Variants in RBFOX1 observed in about 807,000 individuals in gnomAD.
RBFOX1 encodes the protein RNA binding fox-1 homolog 1.
A neutral mutation model predicts 57.7 loss-of-function variants in RBFOX1; 8 were observed. The ratio of observed to expected loss-of-function variants is 0.14; its 90% CI spans 0.08 to 0.25. The LOEUF is 0.25. Among genes scored for constraint, RBFOX1 ranks in the 10% least tolerant of loss-of-function variants. The probability of loss-of-function intolerance (pLI) is 1.00; values close to 1 mark genes in which losing one functional copy is unlikely to be tolerated. For synonymous variants in RBFOX1, 326 were observed against 222.4 expected, an observed-to-expected ratio of 1.47 and a Z score of -4.15; for missense variants, 611 against 548.5, an observed-to-expected ratio of 1.11 and a Z score of -1.14.
intron 2 of RBFOX1, among the ~76,000 whole-genome samples, chr16:6,367,217 C>T (rs2089766141): frequency 6.6e-6 from 1 of 152,094 alleles, no homozygotes; most frequent in East Asian, 1.9e-4. Flanking sequence ...GACATTATGT[C>T]ACTGTAGGTT....
At chr16:6,365,918 C>T (rs374569440) in intron 2 of RBFOX1, among the ~76,000 whole-genome samples, 1 of 152,088 alleles carries the variant, frequency 6.6e-6, no homozygotes, top group Non-Finnish European at 1.5e-5. Context: ...GGAGCTACAG[C>T]TACTACTTCA....
At chr16:5,475,326 A>T (rs948869285) in intron 2 of RBFOX1, among the ~76,000 whole-genome samples, 1 of 152,202 alleles carries the variant, frequency 6.6e-6, no homozygotes, top group Non-Finnish European at 1.5e-5. Flanking sequence ...TTAAGTCTAC[A>T]TTCGATTTAA....
rs182821829 is a variant in RBFOX1 at position 6,295,932 on chromosome 16, T to A, written c.-126-21063T>A. Among the ~76,000 whole-genome samples the A allele has an allele frequency of 1.5e-3, 234 of 152,292 alleles. 3 individuals are homozygous for A. The highest frequency in any genetic ancestry group is 2.4e-3 in the Admixed American group (36 of 15,308). Reference sequence around the variant, plus strand: ...AACTAATCCAGCAGGACACCTGATGTAACACAGCTATTTTATTCACATATG... The same window carrying A: ...AACTAATCCAGCAGGACACCTGATGAAACACAGCTATTTTATTCACATATG... On this transcript the variant is annotated intron_variant, in intron 1 of 15. Coordinates refer to ENST00000550418, the MANE Select transcript of RBFOX1 (RefSeq NM_018723.4).
chr16:6,797,466 A>G (rs186880462), intron 3 of RBFOX1, among the ~76,000 whole-genome samples: 2 of 152,170 alleles, frequency 1.3e-5, no homozygotes, highest in African/African-American at 4.8e-5. Context: ...AGTTAAACAC[A>G]TATATCCTGT....
intron 4 of RBFOX1, among the ~76,000 whole-genome samples, chr16:5,992,429 G>A (rs927713634): frequency 2.0e-5 from 3 of 152,192 alleles, no homozygotes; most frequent in Non-Finnish European, 2.9e-5. Flanking sequence ...TCAGTACTGT[G>A]TAGAATGAAA....
upstream of RBFOX1, among the ~76,000 whole-genome samples, chr16:6,015,751 C>T (rs377146370): frequency 1.3e-5 from 2 of 152,214 alleles, no homozygotes; most frequent in African/African-American, 4.8e-5. Flanking sequence ...ACACGATCTT[C>T]TCTAGAATGC....
intron 5 of RBFOX1, among the ~76,000 whole-genome samples, chr16:7,572,843 G>GAATAAATA (rs57189251): frequency 8.2e-5 from 12 of 146,662 alleles, no homozygotes; most frequent in South Asian, 2.3e-4. Flanking sequence ...TCTCTCAAAT[G>GAATAAATA]AATAAATAAA....
At chr16:7,172,866 C>G (rs1006271393) in intron 4 of RBFOX1, among the ~76,000 whole-genome samples, 1 of 152,126 alleles carries the variant, frequency 6.6e-6, no homozygotes, top group African/African-American at 2.4e-5. Context: ...AGATGGTTAT[C>G]TGCCTCAATT....
chr16:7,501,765 T>C (rs1283366638), intron 4 of RBFOX1, among the ~76,000 whole-genome samples: 3 of 152,232 alleles, frequency 2.0e-5, no homozygotes. Flanking sequence ...TCAGTTCTTC[T>C]GGAAAACCTT....
At chr16:7,182,786 T>G (rs1017979764) in intron 4 of RBFOX1, among the ~76,000 whole-genome samples, 8 of 152,168 alleles carry the variant, frequency 5.3e-5, no homozygotes, top group Admixed American at 2.0e-4. Context: ...CTTAGCACTT[T>G]GTACTAAATC....
intron 4 of RBFOX1, among the ~76,000 whole-genome samples, chr16:7,215,886 G>A (rs184707533): frequency 7.2e-5 from 11 of 151,982 alleles, no homozygotes; most frequent in East Asian, 1.9e-4. Context: ...CACGGCACCC[G>A]GCTAATTTTT....
chr16:7,384,556 A>C (rs546563754), intron 4 of RBFOX1, among the ~76,000 whole-genome samples: 1 of 152,068 alleles, frequency 6.6e-6, no homozygotes, highest in East Asian at 1.9e-4. Flanking sequence ...TCATTTATCT[A>C]TCCATCTGGG....
At chr16:6,943,460 G>A (rs552052119) in intron 3 of RBFOX1, among the ~76,000 whole-genome samples, 1 of 152,290 alleles carries the variant, frequency 6.6e-6, no homozygotes, top group Admixed American at 6.5e-5. Context: ...TGTAATCTCA[G>A]TACTTTGGGA....
intron 4 of RBFOX1, among the ~76,000 whole-genome samples, chr16:7,055,576 C>T (rs925728240): frequency 1.3e-5 from 2 of 152,168 alleles, no homozygotes; most frequent in Non-Finnish European, 2.9e-5. Flanking sequence ...TTGCATTTTA[C>T]TGCAGGAAAA....
chr16:5,306,312 C>G (rs537318099), intron 1 of RBFOX1, among the ~76,000 whole-genome samples: 1 of 142,836 alleles, frequency 7.0e-6, no homozygotes, highest in African/African-American at 2.6e-5. Context: ...AGGAAGAGGT[C>G]TTCTAGAATT....
At chr16:6,988,607 C>G (rs1414803245) in intron 3 of RBFOX1, among the ~76,000 whole-genome samples, 1 of 151,582 alleles carries the variant, frequency 6.6e-6, no homozygotes, top group Non-Finnish European at 1.5e-5. Flanking sequence ...GAGTCTTGCT[C>G]TGTCCCCTAG....
chr16:6,692,085 C>T (rs536423695), intron 3 of RBFOX1, among the ~76,000 whole-genome samples: 1 of 152,238 alleles, frequency 6.6e-6, no homozygotes, highest in South Asian at 2.1e-4. Context: ...TACAGAACTG[C>T]AAGATAATAA....
chr16:7,201,811 A>C (rs574686753), intron 4 of RBFOX1, among the ~76,000 whole-genome samples: 19 of 152,258 alleles, frequency 1.2e-4, no homozygotes, highest in African/African-American at 4.6e-4. Flanking sequence ...GAGAATGGGC[A>C]CGGCAAGCGT....
intron 4 of RBFOX1, among the ~76,000 whole-genome samples, chr16:7,299,002 C>T (rs948428053): frequency 1.3e-5 from 2 of 152,126 alleles, no homozygotes; most frequent in South Asian, 2.1e-4. Context: ...AGTGAATATC[C>T]TGGTTTATGT....
Sources: allele counts gnomAD v4.1 joint callset (sites outside exome capture counted in the v4.1 genomes callset), GRCh38; gene constraint gnomAD v4.1.1; transcripts MANE v1.5; gene names NCBI Gene and HGNC (gene_info 2026-07-23, HGNC 2026-07-21).